The following CCDC7 variants were observed in gnomAD, a reference collection of about 807,000 sequenced individuals.
CCDC7 encodes the protein coiled-coil domain containing 7.
Under a neutral mutation model 196.9 loss-of-function variants are expected in CCDC7, and 183 were observed. The ratio of observed to expected loss-of-function variants is 0.93; its 90% confidence interval spans 0.82 to 1.05. The LOEUF is 1.05. Ranked by LOEUF, CCDC7 falls within the 50% of genes least tolerant of loss-of-function variation. The pLI is 0.00. For missense variants in CCDC7, 1,540 were observed against 1,482.2 expected (o/e 1.04, Z -0.64); for synonymous variants, 525 against 484.6 (o/e 1.08, Z -1.10).
At chr10:32,640,790 A>G (rs982295662) in intron 20 of CCDC7, among the ~76,000 whole-genome samples, 26 of 151,728 alleles carry the variant, frequency 1.7e-4, no homozygotes, top group Admixed American at 7.9e-4. Context: ...CTGGATATGA[A>G]ATTCTGGGTT....
intron 11 of CCDC7, 60 bp downstream of exon 12, chr10:32,518,565 A>G (rs913690533): frequency 7.5e-7 from 1 of 1,337,248 alleles, no homozygotes; most frequent in Non-Finnish European, 1.0e-6. Flanking sequence ...TTATGTTAGG[A>G]TAGAAATCAA....
chr10:32,821,561 C>A (rs1330587389), intron 31 of CCDC7, among the ~76,000 whole-genome samples: 2 of 152,050 alleles, frequency 1.3e-5, no homozygotes, highest in African/African-American at 2.4e-5. Flanking sequence ...TGGAACCAAC[C>A]CAAATGTCCA....
rs1386486869 is a variant in CCDC7 at position 32,586,010 on chromosome 10, A to G, written c.1801+1706A>G. Among the ~76,000 whole-genome samples the G allele has an allele frequency of 4.6e-5, 7 of 152,242 alleles. No individual in the cohort carries two copies. The East Asian group carries it at 1.4e-3, about 29-fold the overall frequency. On this transcript the variant is annotated intron_variant, in intron 18 of 41. Coordinates refer to ENST00000639629, the Ensembl canonical transcript of CCDC7. The stretch of plus-strand genomic sequence containing the variant: ...CCACCAACAGTGTAAAAGCATTCCT[A>G]TTTCTCCACATCCTTTCCAGCATCT...
intron 30 of CCDC7, among the ~76,000 whole-genome samples, chr10:32,811,237 G>A (rs1593001973): frequency 6.6e-6 from 1 of 151,770 alleles, no homozygotes; most frequent in African/African-American, 2.4e-5. Context: ...TTAAAAAGAT[G>A]AAATTAATAA....
At chr10:32,763,057 G>A (rs1219608111) in intron 28 of CCDC7, among the ~76,000 whole-genome samples, 1 of 151,840 alleles carries the variant, frequency 6.6e-6, no homozygotes, top group African/African-American at 2.4e-5. Context: ...AAATAATGCA[G>A]AAAATGAAAA....
chr10:32,876,267 G>A, intron 41 of CCDC7, 80 bp from the exon 43 acceptor site: 2 of 1,011,958 alleles, frequency 2.0e-6, no homozygotes, highest in Non-Finnish European at 1.5e-6. Context: ...TGTTTTCCAT[G>A]ATATCATATA....
chr10:32,651,401 T>C (rs1422342694), intron 20 of CCDC7, among the ~76,000 whole-genome samples: 1 of 152,144 alleles, frequency 6.6e-6, no homozygotes, highest in Non-Finnish European at 1.5e-5. Flanking sequence ...CAAATTATGT[T>C]GGTATAGTCG....
Position 32,598,709 on chromosome 10 carries a change from C to T in CCDC7, c.1801+14405C>T, listed in dbSNP as rs149814766. The stretch of plus-strand genomic sequence containing the variant: ...TTAAGAGCATGTTGTTTAAATTCAA[C>T]ATATTTGTGAATTTAAATTTTCCAT... On this transcript the variant is annotated intron_variant, in intron 18 of 41. Transcript: ENST00000639629. Among the ~76,000 whole-genome samples, 516 of 152,302 alleles carry T rather than the reference C, an allele frequency of 3.4e-3. 5 individuals are homozygous for T. Among genetic ancestry groups the T allele is most frequent in the African/African-American group, 0.012 (488 of 41,566 alleles).
At chr10:32,746,136 G>C (rs2074686782) in intron 28 of CCDC7, among the ~76,000 whole-genome samples, 1 of 152,120 alleles carries the variant, frequency 6.6e-6, no homozygotes, top group South Asian at 2.1e-4. Flanking sequence ...GACACACTCT[G>C]AGCATGTCTT....
intron 9 of CCDC7, among the ~76,000 whole-genome samples, chr10:32,515,704 C>A (rs1188438182): frequency 6.7e-6 from 1 of 150,200 alleles, no homozygotes; most frequent in Non-Finnish European, 1.5e-5. Flanking sequence ...CCACCACACC[C>A]GGCTAATTTT....
chr10:32,669,934 G>A (rs1039697251), intron 21 of CCDC7, among the ~76,000 whole-genome samples: 1 of 152,210 alleles, frequency 6.6e-6, no homozygotes. Context: ...TTACATAAAA[G>A]GACAAATTAT....
At position 32,814,473 on chromosome 10, in the gene CCDC7, A is replaced by T. The variant is rs1348855664; in HGVS notation, c.3181+20A>T. 4 of 1,531,324 alleles carry T rather than the reference A, an allele frequency of 2.6e-6. No homozygotes were observed. Among genetic ancestry groups the T allele is most frequent in the African/African-American group, 2.7e-5 (2 of 73,122 alleles). The allele number at this position is 1,531,324 out of a possible 1,614,324, so 94.9% of individuals were successfully genotyped here. On this transcript the variant is annotated intron_variant, in intron 31 of 41. Transcript: ENST00000639629. Reference sequence around the variant, plus strand: ...TCCCTGGTAAGAACAAAAACTTTACACATTTAGTATTTCTGGTTAGTTTAT... The same window carrying T: ...TCCCTGGTAAGAACAAAAACTTTACTCATTTAGTATTTCTGGTTAGTTTAT...
chr10:32,815,413 TTTAAAGA>T (rs1485522042), intron 31 of CCDC7, among the ~76,000 whole-genome samples: 1 of 152,158 alleles, frequency 6.6e-6, no homozygotes, highest in Non-Finnish European at 1.5e-5. Flanking sequence ...AAATTAAATT[TTTAAAGA>T]ACCAAATTAA....
chr10:32,826,191 T>C (rs902400760), intron 32 of CCDC7, among the ~76,000 whole-genome samples: 4 of 152,228 alleles, frequency 2.6e-5, no homozygotes, highest in Admixed American at 2.0e-4. Flanking sequence ...GTCCCAGCAG[T>C]CCCCTAGAAG....
intron 11 of CCDC7, among the ~76,000 whole-genome samples, chr10:32,524,853 G>A (rs1163926111): frequency 6.6e-6 from 1 of 152,034 alleles, no homozygotes. Flanking sequence ...CGTACCTTGA[G>A]GTAGTCTTCT....
At chr10:32,487,678 T>G (rs1164448460) in intron 8 of CCDC7, among the ~76,000 whole-genome samples, 6 of 152,218 alleles carry the variant, frequency 3.9e-5, no homozygotes, top group African/African-American at 1.2e-4. Flanking sequence ...GGATGTCCTT[T>G]CTGTTTGTTA....
chr10:32,574,311 T>C (rs2057932456), intron 16 of CCDC7: 1 of 512,496 alleles, frequency 2.0e-6, no homozygotes, highest in African/African-American at 2.1e-5. Flanking sequence ...TATTATATAT[T>C]ATATAATAAT....
chr10:32,534,291 A>G (rs2050135024), intron 11 of CCDC7, among the ~76,000 whole-genome samples: 3 of 152,228 alleles, frequency 2.0e-5, no homozygotes, highest in South Asian at 2.1e-4. Flanking sequence ...TTTATCTGGT[A>G]TATTTCTGAA....
At chr10:32,506,422 C>T (rs898542826) in intron 9 of CCDC7, among the ~76,000 whole-genome samples, 1 of 152,214 alleles carries the variant, frequency 6.6e-6, no homozygotes, top group Admixed American at 6.5e-5. Flanking sequence ...GGCAGCCAGG[C>T]AGAGACGCTG....
Sources: gnomAD v4.1 joint callset for allele counts (sites outside exome capture counted in the v4.1 genomes callset) on GRCh38, gnomAD v4.1.1 for gene constraint, MANE v1.5 for transcripts, NCBI Gene and HGNC (gene_info 2026-07-23, HGNC 2026-07-21) for gene names.